The following ZNF541 variants were observed in gnomAD, a reference collection of about 807,000 sequenced individuals.
ZNF541 encodes the protein zinc finger protein 541.
ZNF541 carries 23 observed loss-of-function variants against 123.5 expected under a neutral mutation model. That is an observed-to-expected ratio of 0.19 (90% confidence interval 0.13 to 0.26). The LOEUF (loss-of-function observed/expected upper bound fraction) is 0.26, where lower values mean the gene tolerates loss of function less well. ZNF541 is among the 10% of genes least tolerant of loss of function. ZNF541 has a pLI of 1.00. For missense variants in ZNF541, 1,612 were observed against 1,789.9 expected (o/e 0.90, Z 1.79); for synonymous variants, 751 against 754.5 (o/e 1.00, Z 0.08).
intron 3 of ZNF541, among the ~76,000 whole-genome samples, chr19:47,549,924 T>A (rs1970524124): frequency 2.6e-5 from 4 of 152,164 alleles, no homozygotes; most frequent in Admixed American, 2.6e-4. Flanking sequence ...GAGTAAACTG[T>A]CATACTGCTT....
Position 47,521,380 on chromosome 19 carries a change from G to A in ZNF541, c.3888-3C>T. ...GACTCTTGATCTTGTCAAACACCCT[G>A]AGGAGTCACCAGAGGACATGGGGTC... On this transcript the variant is annotated splice_polypyrimidine_tract_variant and splice_region_variant and intron_variant, in intron 16 of 16. Transcript: ENST00000391901. The surrounding 1 kb of genome is among the most constrained non-coding windows in gnomAD (Gnocchi z 4.2). 1 of 1,551,776 alleles carries A rather than the reference G, an allele frequency of 6.4e-7. No individual in the cohort carries two copies.
At chr19:47,550,370 G>C (rs537887380) in intron 3 of ZNF541, among the ~76,000 whole-genome samples, 1 of 148,134 alleles carries the variant, frequency 6.8e-6, no homozygotes, top group African/African-American at 2.5e-5. Context: ...AGGAAAGAAG[G>C]AAAGAGAAAG....
chr19:47,568,590 T>C (rs1181895456), intron 2 of ZNF541, among the ~76,000 whole-genome samples: 1 of 151,934 alleles, frequency 6.6e-6, no homozygotes, highest in African/African-American at 2.4e-5. Context: ...GCAATCCACC[T>C]GCCTCAGCCT....
In ZNF541 at chr19:47,522,828, C is replaced by A. The variant is rs1408273661; in HGVS notation, c.3571-834G>T. On this transcript the variant is annotated intron_variant, in intron 14 of 16. Transcript: ENST00000391901. ...ATGGCACGATCTTGGCTCACTGCAA[C>A]CTCCGCCTCCCGGGTCCAAGTGATT... 2.0e-5 allele frequency among the ~76,000 whole-genome samples: 3 copies of A among 151,274 alleles called. No homozygotes were observed. In the East Asian group the frequency reaches 5.9e-4, roughly 30 times the overall value.
At chr19:47,553,084 G>C (rs1212570487) in intron 3 of ZNF541, among the ~76,000 whole-genome samples, 1 of 151,632 alleles carries the variant, frequency 6.6e-6, no homozygotes, top group Admixed American at 6.6e-5. Flanking sequence ...ACTCTAACCT[G>C]GTGACAGAGA....
Position 47,544,312 on chromosome 19 carries a change from C to T in ZNF541, c.2217G>A (p.Arg739=). 6.4e-7 allele frequency: 1 copy of T among 1,551,692 alleles called. No homozygotes were observed. The highest frequency in any genetic ancestry group is 1.2e-5 in the South Asian group (1 of 84,068). ...TKGEKGPACS[R]GGGYRLLGNP... ...TGCCCAAGAGCCGGTAGCCTCCACC[C>T]CGGGAGCAGGCTGGGCCCTTTTCAC... is the stretch of plus-strand genomic sequence containing the variant. The change falls in exon 5 of 17, where the codon CGG becomes CGA. Residue 739 remains arginine (R), a synonymous_variant. Transcript: ENST00000391901.
chr19:47,545,990 G>A lies in ZNF541; in HGVS notation c.549-10C>T, dbSNP rs1325167603. 2 of 1,453,620 alleles carry A rather than the reference G, an allele frequency of 1.4e-6. No homozygotes were observed. The highest frequency in any genetic ancestry group is 1.8e-6 in the Non-Finnish European group (2 of 1,096,276). 90.0% of individuals were successfully genotyped at this position (1,453,620 alleles called of 1,614,324 possible). On this transcript the variant is annotated splice_polypyrimidine_tract_variant and intron_variant, in intron 4 of 16. Coordinates refer to ENST00000391901, the MANE Select transcript of ZNF541 (RefSeq NM_001277075.3). The surrounding 1 kb of genome is among the most constrained non-coding windows in gnomAD (Gnocchi z 7.5). ...GAGCATGTGCCCGGTCCTGGAGCCA[G>A]ACACAAGCAGGGGCGTCACCGGGGC...
intron 3 of ZNF541, among the ~76,000 whole-genome samples, 181 bp downstream of exon 3, chr19:47,555,369 C>CAAA (rs367574327): frequency 1.6e-5 from 1 of 63,256 alleles, no homozygotes; most frequent in African/African-American, 5.9e-5. Flanking sequence ...GACTCCATCT[C>CAAA]AAAAAAAAAA....
chr19:47,570,953 GA>G (rs1177185933), intron 2 of ZNF541, among the ~76,000 whole-genome samples: 3,708 of 87,036 alleles, frequency 0.043, 88 homozygotes, highest in Middle Eastern at 0.11. Flanking sequence ...ATCTCAAAAA[GA>G]AAAAAAAAAA....
chr19:47,542,984 G>T (rs1229908015), intron 5 of ZNF541, among the ~76,000 whole-genome samples: 1 of 151,566 alleles, frequency 6.6e-6, no homozygotes, highest in African/African-American at 2.4e-5. Context: ...AAAATAAAGT[G>T]GTGGATTTGG....
At chr19:47,558,099 T>C (rs1047148908) in intron 2 of ZNF541, among the ~76,000 whole-genome samples, 1 of 151,880 alleles carries the variant, frequency 6.6e-6, no homozygotes, top group African/African-American at 2.4e-5. Context: ...CTAATGGCCT[T>C]AGAAAAAATA....
chr19:47,546,075 T>C, intron 4 of ZNF541, 95 bp from the exon 5 acceptor site: 1 of 1,078,562 alleles, frequency 9.3e-7, no homozygotes, highest in Non-Finnish European at 1.3e-6. Flanking sequence ...TGTGGTACAG[T>C]TGCACCACAA....
Position 47,524,765 on chromosome 19 carries a change from G to C in ZNF541, c.3571-2771C>G, listed in dbSNP as rs868609031. Among the ~76,000 whole-genome samples, 8 of 150,940 alleles carry C rather than the reference G, an allele frequency of 5.3e-5. No homozygotes were observed. In the Middle Eastern group the frequency reaches 0.014, roughly 258 times the overall value. On this transcript the variant is annotated intron_variant, in intron 14 of 16. Coordinates refer to ENST00000391901, the MANE Select transcript of ZNF541 (RefSeq NM_001277075.3). ...CTAGGTGTGATTGCACACACCTGTA[G>C]TCCCAGCTACTCAAAGTTGGAGGAT...
intron 3 of ZNF541, among the ~76,000 whole-genome samples, chr19:47,552,721 C>G (rs1298417292): frequency 2.1e-5 from 2 of 93,028 alleles, no homozygotes; most frequent in African/African-American, 8.6e-5. Flanking sequence ...CTAGCCTGGG[C>G]GATAGAGCGA....
At position 47,532,478 on chromosome 19, in the gene ZNF541, T is replaced by C. The variant is rs534970896; in HGVS notation, c.3159-208A>G. On this transcript the variant is annotated intron_variant, in intron 10 of 16. Transcript: ENST00000391901. ...TCTGCAGGGACACTTCCTCCCTTCC[T>C]CTGTTTTCCTTCATTGCCACATTTC... 7.9e-5 allele frequency among the ~76,000 whole-genome samples: 12 copies of C among 151,928 alleles called. No individual in the cohort carries two copies. The East Asian group carries it at 2.3e-3, about 29-fold the overall frequency.
rs377023056 is a variant in ZNF541 at position 47,534,653 on chromosome 19, A to C, written c.3095-1681T>G. On this transcript the variant is annotated intron_variant, in intron 9 of 16. Transcript: ENST00000391901. The stretch of plus-strand genomic sequence containing the variant: ...CAGCAAGACTCTGTCTCAAAAAAAA[A>C]CCCCTCCAAACCACCCCCCCAAAAC... 2.1e-4 allele frequency among the ~76,000 whole-genome samples: 32 copies of C among 151,878 alleles called. No individual in the cohort carries two copies. In the East Asian group the frequency reaches 3.9e-3, roughly 18 times the overall value.
chr19:47,537,792 T>C (rs931787225), intron 9 of ZNF541, among the ~76,000 whole-genome samples: 1 of 151,856 alleles, frequency 6.6e-6, no homozygotes, highest in Non-Finnish European at 1.5e-5. Flanking sequence ...GGAGGATCTC[T>C]TGAGACCAGG....
chr19:47,525,931 A>AG (rs1368471059), intron 14 of ZNF541, among the ~76,000 whole-genome samples: 1 of 151,728 alleles, frequency 6.6e-6, no homozygotes, highest in African/African-American at 2.4e-5. Flanking sequence ...AAAAAAAAAA[A>AG]AAAAAAAAAA....
At chr19:47,526,183 A>G (rs1403596277) in intron 14 of ZNF541, among the ~76,000 whole-genome samples, 1 of 152,136 alleles carries the variant, frequency 6.6e-6, no homozygotes, top group Non-Finnish European at 1.5e-5. Flanking sequence ...CTGTAACTCA[A>G]TAATAAAAAC....
Sources: allele counts gnomAD v4.1 joint callset (sites outside exome capture counted in the v4.1 genomes callset), GRCh38; gene constraint gnomAD v4.1.1; non-coding constraint Gnocchi (gnomAD v3.1); transcripts MANE v1.5; gene names NCBI Gene and HGNC (gene_info 2026-07-23, HGNC 2026-07-21).